The following PTPRO variants were observed in gnomAD, a reference collection of about 807,000 sequenced individuals.
PTPRO encodes receptor-type tyrosine-protein phosphatase O.
PTPRO carries 62 observed loss-of-function variants against 145.2 expected under a neutral mutation model. The observed-to-expected ratio is 0.43, with a 90% CI of 0.35 to 0.53. The LOEUF is 0.53. PTPRO is among the 20% of genes least tolerant of loss of function. PTPRO has a pLI of 0.01. For synonymous variants in PTPRO, 565 were observed against 514.7 expected, an observed-to-expected ratio of 1.10 and a Z score of -1.32; for missense variants, 1,345 against 1,482.7, an observed-to-expected ratio of 0.91 and a Z score of 1.53.
chr12:15,508,229 G>A (rs2075243), intron 6 of PTPRO, among the ~76,000 whole-genome samples: 63,208 of 152,022 alleles, frequency 0.42, 13,503 homozygotes, highest in Admixed American at 0.52. Context: ...GGAATAATAA[G>A]CCCTGATGAA....
chr12:15,412,857 A>C (rs1939837557), intron 1 of PTPRO, among the ~76,000 whole-genome samples: 1 of 152,118 alleles, frequency 6.6e-6, no homozygotes, highest in African/African-American at 2.4e-5. Flanking sequence ...GCAGTGACGC[A>C]ATCTCGTCTC....
intron 19 of PTPRO, among the ~76,000 whole-genome samples, chr12:15,576,103 A>T (rs1944179584): frequency 6.6e-6 from 1 of 152,250 alleles, no homozygotes; most frequent in South Asian, 2.1e-4. Context: ...TGACAAAAGA[A>T]AATTCAGAAA....
chr12:15,463,914 A>G (rs1466901087), intron 1 of PTPRO, among the ~76,000 whole-genome samples: 3 of 152,200 alleles, frequency 2.0e-5, no homozygotes, highest in Non-Finnish European at 4.4e-5. Context: ...GGCTCAAAAC[A>G]TGTAGGCTGG....
intron 19 of PTPRO, among the ~76,000 whole-genome samples, chr12:15,576,532 C>G (rs1944189388): frequency 6.6e-6 from 1 of 152,196 alleles, no homozygotes; most frequent in Non-Finnish European, 1.5e-5. Context: ...GAGGCCTTTT[C>G]CCATGGCTTA....
At chr12:15,594,853 C>A in intron 25 of PTPRO, 84 bp from the exon 26 acceptor site, 1 of 971,112 alleles carries the variant, frequency 1.0e-6, no homozygotes, top group Admixed American at 1.9e-5. Context: ...AACACCAGAT[C>A]TTGATCATTA....
intron 12 of PTPRO, among the ~76,000 whole-genome samples, chr12:15,528,849 G>A (rs895255265): frequency 6.6e-6 from 1 of 152,048 alleles, no homozygotes; most frequent in Non-Finnish European, 1.5e-5. Context: ...AGGCCATGAG[G>A]AAGAACATTT....
rs182595671 is a variant in PTPRO at position 15,479,487 on chromosome 12, G to C, written c.76-4487G>C. Among the ~76,000 whole-genome samples, 4 of 152,288 alleles carry C rather than the reference G, an allele frequency of 2.6e-5. No homozygotes were observed. In the East Asian group the frequency reaches 7.7e-4, roughly 29 times the overall value. On this transcript the variant is annotated intron_variant, in intron 1 of 26. Transcript: ENST00000281171. ...GTTCTGCTCCCCACTATTTCATAGA[G>C]AGCCTCCCTCACCTCCACTGGAGAC...
intron 1 of PTPRO, among the ~76,000 whole-genome samples, chr12:15,326,458 C>T (rs971939550): frequency 2.0e-5 from 3 of 152,134 alleles, no homozygotes; most frequent in South Asian, 2.1e-4. Context: ...GAGAGACTAT[C>T]GTTGTGTGAA....
At chr12:15,513,112 G>A (rs7953130) in intron 7 of PTPRO, among the ~76,000 whole-genome samples, 3,945 of 8,714 alleles carry the variant, frequency 0.45, 504 homozygotes, top group African/African-American at 0.47. Context: ...AGAAAGAAAG[G>A]AAGGAAGGAA....
At chr12:15,414,455 C>T (rs970238489) in intron 1 of PTPRO, among the ~76,000 whole-genome samples, 6 of 152,104 alleles carry the variant, frequency 3.9e-5, no homozygotes, top group South Asian at 4.1e-4. Flanking sequence ...TGGCACTAAA[C>T]GTCTTTTTTT....
intron 1 of PTPRO, among the ~76,000 whole-genome samples, chr12:15,379,967 A>C (rs961618973): frequency 6.6e-6 from 1 of 152,180 alleles, no homozygotes; most frequent in Non-Finnish European, 1.5e-5. Flanking sequence ...TCTTAAAACA[A>C]CTGGTTTTAA....
intron 1 of PTPRO, among the ~76,000 whole-genome samples, chr12:15,434,304 A>G (rs574495915): frequency 6.6e-6 from 1 of 152,346 alleles, no homozygotes; most frequent in African/African-American, 2.4e-5. Context: ...AAATTTCAAA[A>G]TACTTTTAGG....
chr12:15,521,065 C>T (rs1238457117), intron 10 of PTPRO, among the ~76,000 whole-genome samples: 3 of 152,094 alleles, frequency 2.0e-5, no homozygotes, highest in East Asian at 1.9e-4. Context: ...AACACTAACC[C>T]TTGTGGTTTG....
intron 17 of PTPRO, 43 bp downstream of exon 17, chr12:15,560,319 G>A (rs1211258303): frequency 7.0e-7 from 1 of 1,427,336 alleles, no homozygotes; most frequent in Admixed American, 1.7e-5. Flanking sequence ...CTCTTTAAAA[G>A]TTAGCTTTCA....
intron 1 of PTPRO, among the ~76,000 whole-genome samples, chr12:15,427,223 T>C (rs1352790253): frequency 6.6e-6 from 1 of 152,070 alleles, no homozygotes; most frequent in East Asian, 1.9e-4. Flanking sequence ...TGGAAATTCT[T>C]CATCTATTCC....
At chr12:15,489,644 G>T (rs1163589378) in intron 2 of PTPRO, among the ~76,000 whole-genome samples, 1 of 152,138 alleles carries the variant, frequency 6.6e-6, no homozygotes, top group African/African-American at 2.4e-5. Context: ...TAGCCATCTT[G>T]GTTTTGGTGG....
At chr12:15,499,319 C>T in intron 3 of PTPRO, 123 bp from the exon 4 acceptor site, 3 of 963,800 alleles carry the variant, frequency 3.1e-6, no homozygotes, top group Non-Finnish European at 4.9e-6. Flanking sequence ...TTATTACTGC[C>T]CATAACAGTA....
At chr12:15,553,387 G>A (rs768993934) in intron 15 of PTPRO, among the ~76,000 whole-genome samples, 61 of 152,180 alleles carry the variant, frequency 4.0e-4, no homozygotes, top group Admixed American at 7.9e-4. Flanking sequence ...GAGGTGGGTA[G>A]GCTTCACTGA....
At chr12:15,419,257 T>C (rs1391998817) in intron 1 of PTPRO, among the ~76,000 whole-genome samples, 1 of 147,834 alleles carries the variant, frequency 6.8e-6, no homozygotes, top group African/African-American at 2.6e-5. Context: ...GATAGGAGCA[T>C]TTTGGGGGCG....
Sources: gnomAD v4.1 joint callset for allele counts (sites outside exome capture counted in the v4.1 genomes callset) on GRCh38, gnomAD v4.1.1 for gene constraint, MANE v1.5 for transcripts, NCBI Gene and HGNC (gene_info 2026-07-23, HGNC 2026-07-21) for gene names.